Variants in ABLIM2 observed in about 807,000 individuals in gnomAD.
ABLIM2 encodes the protein actin binding LIM protein family member 2.
In ABLIM2, 53 loss-of-function variants were observed where a neutral mutation model predicts 97.7. That is an observed-to-expected ratio of 0.54 (90% CI 0.44 to 0.68). The LOEUF (loss-of-function observed/expected upper bound fraction) is 0.68. Ranked by LOEUF, ABLIM2 falls within the 30% of genes least tolerant of loss-of-function variation. The probability of loss-of-function intolerance (pLI) is 0.00; values close to 1 mark genes in which losing one functional copy is unlikely to be tolerated. For missense variants in ABLIM2, 835 were observed against 867.2 expected (o/e 0.96, Z 0.47); for synonymous variants, 361 against 345.8 (o/e 1.04, Z -0.49).
At chr4:8,074,770 G>A (rs1177936310) in intron 6 of ABLIM2, among the ~76,000 whole-genome samples, 1 of 141,490 alleles carries the variant, frequency 7.1e-6, no homozygotes, top group Non-Finnish European at 1.5e-5. Context: ...GATCAGCCTG[G>A]TAATTCTTTT....
chr4:8,019,786 T>C lies in ABLIM2; in HGVS notation c.1370-115A>G, dbSNP rs943825910. The C allele has an allele frequency of 9.3e-7, 1 of 1,076,112 alleles. No individual in the cohort carries two copies. Among genetic ancestry groups the C allele is most frequent in the East Asian group, 2.5e-5 (1 of 40,194 alleles). 66.7% of individuals were successfully genotyped at this position (1,076,112 alleles called of 1,614,324 possible). A position where few individuals can be genotyped will look rare whatever the true frequency, so the allele number is the denominator to read the frequency against. On this transcript the variant is annotated intron_variant, in intron 13 of 20. Coordinates refer to ENST00000447017, the MANE Select transcript of ABLIM2 (RefSeq NM_001130083.2). The surrounding 1 kb of genome is among the most constrained non-coding windows in gnomAD (Gnocchi z 4.3). Reference sequence around the variant, plus strand: ...AAGCACTCACCCAGATTTAGAATCATCAGGCAGGAACTGGCACCCAGCGAG... The same window carrying C: ...AAGCACTCACCCAGATTTAGAATCACCAGGCAGGAACTGGCACCCAGCGAG...
chr4:8,006,247 C>T (rs1036394868), intron 16 of ABLIM2, among the ~76,000 whole-genome samples: 25 of 152,184 alleles, frequency 1.6e-4, no homozygotes, highest in East Asian at 3.9e-4. Context: ...GGGGGCAGCC[C>T]GTCTCTAGTC....
intron 15 of ABLIM2, among the ~76,000 whole-genome samples, chr4:8,008,555 C>T (rs1762835234): frequency 6.6e-6 from 1 of 152,222 alleles, no homozygotes; most frequent in Non-Finnish European, 1.5e-5. Flanking sequence ...TGCTTTCCAG[C>T]CCTAGCACAG....
At chr4:8,141,171 T>C (rs1850924404) in intron 1 of ABLIM2, among the ~76,000 whole-genome samples, 1 of 152,148 alleles carries the variant, frequency 6.6e-6, no homozygotes, top group South Asian at 2.1e-4. Flanking sequence ...CCCGGCCATG[T>C]GACCTTGGCC....
chr4:8,030,848 C>T (rs1407629511), intron 10 of ABLIM2, among the ~76,000 whole-genome samples: 2 of 152,142 alleles, frequency 1.3e-5, no homozygotes, highest in East Asian at 1.9e-4. Context: ...TGTGTTTGGC[C>T]GTCACATCGT....
At chr4:7,987,482 C>T (rs1176263022) in intron 17 of ABLIM2, among the ~76,000 whole-genome samples, 1 of 143,494 alleles carries the variant, frequency 7.0e-6, no homozygotes, top group East Asian at 2.3e-4. Flanking sequence ...TGCACCTGTT[C>T]TGGTCAGGGA....
At chr4:8,017,652 T>C (rs1026401861) in intron 14 of ABLIM2, among the ~76,000 whole-genome samples, 1 of 152,166 alleles carries the variant, frequency 6.6e-6, no homozygotes, top group African/African-American at 2.4e-5. Flanking sequence ...CAAACAGGAA[T>C]TAACTTGCCT....
intron 20 of ABLIM2, among the ~76,000 whole-genome samples, chr4:7,973,075 C>CTCTGTG (rs746286244): frequency 8.1e-6 from 1 of 124,066 alleles, no homozygotes; most frequent in Admixed American, 8.0e-5. Flanking sequence ...GCTCCCCTTG[C>CTCTGTG]TGTGTGTGTG....
chr4:8,027,790 C>T lies in ABLIM2; in HGVS notation c.1236G>A (p.Val412=). ...SLSQHPSPTS[V]FRHHYIPYFR... is the part of the protein sequence containing the mutation. ...AGTAGGGGATGTAATGATGTCTGAA[C>T]ACGGATGTAGGGCTTGGGTGTTGGG... is the stretch of plus-strand genomic sequence containing the variant. Residue 412 remains valine (V), a synonymous_variant, in exon 12 of 21, where the codon GTG becomes GTA. Coordinates refer to ENST00000447017, the MANE Select transcript of ABLIM2 (RefSeq NM_001130083.2). 6.3e-7 allele frequency: 1 copy of T among 1,598,626 alleles called. No individual in the cohort carries two copies. Among genetic ancestry groups the T allele is most frequent in the Non-Finnish European group, 8.5e-7 (1 of 1,173,060 alleles).
chr4:8,020,959 C>A (rs112907398), intron 12 of ABLIM2: 4,006 of 151,264 alleles, frequency 0.026, 178 homozygotes, highest in African/African-American at 0.089. Flanking sequence ...TGGGCTCAAG[C>A]CATCCTCCCA....
intron 1 of ABLIM2, among the ~76,000 whole-genome samples, chr4:8,151,071 C>T (rs1166212141): frequency 6.6e-6 from 1 of 152,146 alleles, no homozygotes; most frequent in South Asian, 2.1e-4. Context: ...ATCACCTGTA[C>T]TTTTTATGTG....
At chr4:8,017,283 A>T (rs746834321) in intron 14 of ABLIM2, among the ~76,000 whole-genome samples, 163 of 149,068 alleles carry the variant, frequency 1.1e-3, no homozygotes, top group African/African-American at 3.8e-3. Flanking sequence ...TTCCCTATTT[A>T]TTATTATTAT....
At chr4:8,111,251 G>T (rs1840146563) in intron 1 of ABLIM2, among the ~76,000 whole-genome samples, 1 of 152,372 alleles carries the variant, frequency 6.6e-6, no homozygotes, top group East Asian at 1.9e-4. Context: ...GAAAGGCTAT[G>T]CCCTGCAGGA....
chr4:8,101,876 C>T (rs1834828162), intron 2 of ABLIM2, among the ~76,000 whole-genome samples: 1 of 152,224 alleles, frequency 6.6e-6, no homozygotes, highest in African/African-American at 2.4e-5. Context: ...TATTTATGTT[C>T]TGCATGTATT....
At chr4:8,111,161 C>G (rs910212182) in intron 1 of ABLIM2, among the ~76,000 whole-genome samples, 1 of 152,110 alleles carries the variant, frequency 6.6e-6, no homozygotes, top group African/African-American at 2.4e-5. Flanking sequence ...TATTATTCAC[C>G]AACAAAAAGA....
intron 1 of ABLIM2, among the ~76,000 whole-genome samples, chr4:8,109,833 C>T (rs955350608): frequency 6.6e-6 from 1 of 152,236 alleles, no homozygotes; most frequent in African/African-American, 2.4e-5. Flanking sequence ...GGGGCACAGC[C>T]CAGTGAGGGT....
chr4:7,967,751 A>T (rs1446594280), intron 20 of ABLIM2, among the ~76,000 whole-genome samples: 1 of 152,106 alleles, frequency 6.6e-6, no homozygotes. Context: ...GGGATGCCAT[A>T]GGAGTGAGTT....
intron 6 of ABLIM2, among the ~76,000 whole-genome samples, chr4:8,074,244 A>G (rs1004292282): frequency 2.0e-5 from 3 of 152,146 alleles, no homozygotes; most frequent in Non-Finnish European, 4.4e-5. Context: ...ACTTGAGGCC[A>G]AGAGTTCCAG....
chr4:8,094,886 C>A (rs1002429592), intron 3 of ABLIM2, among the ~76,000 whole-genome samples: 29 of 152,098 alleles, frequency 1.9e-4, no homozygotes, highest in African/African-American at 6.8e-4. Context: ...CAACCTAATA[C>A]AACTAGTAAT....
Sources: gnomAD v4.1 joint callset for allele counts (sites outside exome capture counted in the v4.1 genomes callset) on GRCh38, gnomAD v4.1.1 for gene constraint, Gnocchi (gnomAD v3.1) non-coding constraint, MANE v1.5 for transcripts, NCBI Gene and HGNC (gene_info 2026-07-23, HGNC 2026-07-21) for gene names.